TNS3: variants seen among roughly 807,000 people sequenced by gnomAD.
TNS3 encodes the protein tensin 3.
Under a neutral mutation model 140.9 loss-of-function variants are expected in TNS3, and 45 were observed. That is an observed-to-expected ratio of 0.32 (90% CI 0.25 to 0.41). The LOEUF (loss-of-function observed/expected upper bound fraction) is 0.41. TNS3 is among the 10% of genes least tolerant of loss of function. TNS3 has a pLI of 1.00. For missense variants in TNS3, 1,716 were observed against 1,906.7 expected (o/e 0.90, Z 1.86); for synonymous variants, 815 against 788.4 (o/e 1.03, Z -0.56).
chr7:47,422,946 A>G (rs559671731), intron 10 of TNS3, among the ~76,000 whole-genome samples: 7 of 152,260 alleles, frequency 4.6e-5, no homozygotes, highest in Non-Finnish European at 7.4e-5. Flanking sequence ...TCTGCACACA[A>G]CTTGCATTGC....
At chr7:47,398,624 C>A (rs867440486) in intron 15 of TNS3, among the ~76,000 whole-genome samples, 2 of 152,086 alleles carry the variant, frequency 1.3e-5, no homozygotes, top group African/African-American at 2.4e-5. Context: ...ATCTAGCATC[C>A]CTTTATGATA....
At chr7:47,434,435 A>G (rs1026726112) in intron 8 of TNS3, among the ~76,000 whole-genome samples, 1 of 152,168 alleles carries the variant, frequency 6.6e-6, no homozygotes, top group African/African-American at 2.4e-5. Context: ...ACCCCAGCCC[A>G]CTGGCTACAT....
chr7:47,356,984 A>G (rs910219001), intron 17 of TNS3, among the ~76,000 whole-genome samples: 5 of 151,566 alleles, frequency 3.3e-5, no homozygotes, highest in African/African-American at 1.2e-4. Flanking sequence ...ACTACTCTGG[A>G]GGCTGAGGTG....
At position 47,344,954 on chromosome 7, in the gene TNS3, C is replaced by A. The variant is rs1584446886; in HGVS notation, c.2536G>T (p.Ala846Ser). The change falls in exon 19 of 31, where the codon GCA becomes TCA. Residue 846 changes from alanine to serine, a missense_variant. Physicochemically the swap from Ala to Ser is moderately conservative, Grantham distance 99. This residue lies in a region of TNS3 where 1,163 missense variants were observed against 1,182.1 expected (regional missense o/e 0.98). Coordinates refer to ENST00000311160, the MANE Select transcript of TNS3 (RefSeq NM_022748.12). ...SSKESMCSTP[A>S]FPVSPETPYV... ...GGTGTCTCTGGAGACACAGGAAATG[C>A]TGGAGTTGAACACATGGACTCCTTG... is the stretch of plus-strand genomic sequence containing the variant. 2 of 1,614,088 alleles carry A rather than the reference C, an allele frequency of 1.2e-6. No individual in the cohort carries two copies. Among genetic ancestry groups the A allele is most frequent in the African/African-American group, 2.7e-5 (2 of 74,942 alleles).
chr7:47,509,847 G>T (rs1420280389), intron 2 of TNS3, among the ~76,000 whole-genome samples: 1 of 152,048 alleles, frequency 6.6e-6, no homozygotes, highest in Non-Finnish European at 1.5e-5. Context: ...ATCATGGCAG[G>T]TCATCATGGC....
chr7:47,417,792 C>T (rs1440775597), intron 10 of TNS3, among the ~76,000 whole-genome samples: 3 of 151,820 alleles, frequency 2.0e-5, no homozygotes, highest in Non-Finnish European at 4.4e-5. Flanking sequence ...TTCAAAATCC[C>T]AAATAAAAGC....
Position 47,303,441 on chromosome 7 carries a change from G to C in TNS3, c.2966C>G (p.Pro989Arg). 2 of 1,613,222 alleles carry C rather than the reference G, an allele frequency of 1.2e-6. No individual in the cohort carries two copies. The highest frequency in any genetic ancestry group is 1.7e-6 in the Non-Finnish European group (2 of 1,180,014). The stretch of plus-strand genomic sequence containing the variant: ...GAAAGGAGCCTGGAGCTCTGACGGC[G>C]GGAAGCAGGACAGCACTGGGGAGTC... ...RKDSPVLSCF[P>R]PSELQAPFHS... The change falls in exon 22 of 31, where the codon CCG (proline) becomes CGG (arginine). Residue 989 changes from proline (P) to arginine (R), a missense_variant. Around this residue, in one of 3 missense-constraint regions of TNS3, gnomAD observed 1,163 missense variants for 1,182.1 expected, o/e 0.98. Coordinates refer to ENST00000311160, the MANE Select transcript of TNS3 (RefSeq NM_022748.12).
At chr7:47,385,606 C>T (rs1584533609) in intron 16 of TNS3, among the ~76,000 whole-genome samples, 1 of 152,206 alleles carries the variant, frequency 6.6e-6, no homozygotes, top group Non-Finnish European at 1.5e-5. Flanking sequence ...ACTCTGCCTT[C>T]ACTCCCCAGG....
At chr7:47,480,888 G>A (rs1011471481) in intron 4 of TNS3, among the ~76,000 whole-genome samples, 18 of 152,224 alleles carry the variant, frequency 1.2e-4, no homozygotes, top group African/African-American at 3.9e-4. Flanking sequence ...CCGCAAAGGC[G>A]CAGCGGATCC....
chr7:47,379,875 G>A (rs1160426010), intron 16 of TNS3, among the ~76,000 whole-genome samples: 2 of 152,216 alleles, frequency 1.3e-5, no homozygotes, highest in African/African-American at 4.8e-5. Context: ...AAGTAAAGCT[G>A]AGCTGCTTGC....
At chr7:47,401,039 C>T (rs930157108) in intron 13 of TNS3, 125 bp from the exon 14 acceptor site, 13 of 1,394,660 alleles carry the variant, frequency 9.3e-6, no homozygotes, top group South Asian at 4.1e-5. Flanking sequence ...TGGGAGTTCA[C>T]GCTTTGGAGT....
At chr7:47,528,778 T>C (rs1799290412) in intron 2 of TNS3, among the ~76,000 whole-genome samples, 1 of 152,234 alleles carries the variant, frequency 6.6e-6, no homozygotes, top group Non-Finnish European at 1.5e-5. Flanking sequence ...TGAGAATAAA[T>C]GATTAATTTA....
intron 28 of TNS3, among the ~76,000 whole-genome samples, chr7:47,281,923 C>CCCTGA (rs1785164168): frequency 6.7e-6 from 1 of 148,252 alleles, no homozygotes. Flanking sequence ...CCTAGCCATG[C>CCCTGA]CCCTGACCCT....
intron 1 of TNS3, among the ~76,000 whole-genome samples, chr7:47,542,972 T>C (rs1799830987): frequency 1.3e-5 from 2 of 150,192 alleles, no homozygotes; most frequent in African/African-American, 4.9e-5. Context: ...TGAAAAAGAC[T>C]GCCTTCAGTT....
At chr7:47,515,986 T>C (rs1396297344) in intron 2 of TNS3, among the ~76,000 whole-genome samples, 3 of 152,186 alleles carry the variant, frequency 2.0e-5, no homozygotes, top group African/African-American at 7.2e-5. Context: ...GCTCTGCTGC[T>C]TCCCCAGAAA....
intron 1 of TNS3, among the ~76,000 whole-genome samples, chr7:47,575,822 CAAA>C (rs10553927): frequency 1.2e-3 from 81 of 68,308 alleles, no homozygotes; most frequent in African/African-American, 2.0e-3. Flanking sequence ...GACTCTGCCT[CAAA>C]AAAAAAAAAA....
intron 7 of TNS3, among the ~76,000 whole-genome samples, chr7:47,436,690 C>A (rs1795198410): frequency 6.6e-6 from 1 of 152,002 alleles, no homozygotes; most frequent in Admixed American, 6.5e-5. Context: ...CAGAAGAGAG[C>A]CCCATGCTGA....
chr7:47,305,765 A>G (rs1192603872), intron 20 of TNS3, among the ~76,000 whole-genome samples: 2 of 152,246 alleles, frequency 1.3e-5, no homozygotes, highest in Non-Finnish European at 2.9e-5. Flanking sequence ...TATTTAAAAC[A>G]TCTTACCTTT....
At chr7:47,469,893 G>A (rs1252836880) in intron 4 of TNS3, among the ~76,000 whole-genome samples, 1 of 146,006 alleles carries the variant, frequency 6.8e-6, no homozygotes, top group East Asian at 2.0e-4. Context: ...AGAATCGCTT[G>A]AGCCCAGGAG....
Sources: allele counts gnomAD v4.1 joint callset (sites outside exome capture counted in the v4.1 genomes callset), GRCh38; gene constraint gnomAD v4.1.1; regional missense constraint gnomAD v4.1.1; transcripts MANE v1.5; gene names NCBI Gene and HGNC (gene_info 2026-07-23, HGNC 2026-07-21).